The following CMTM8 variants were observed in gnomAD, a reference collection of about 807,000 sequenced individuals.
CMTM8 encodes CKLF-like MARVEL transmembrane domain-containing protein 8.
Under a neutral mutation model 18.6 loss-of-function variants are expected in CMTM8, and 12 were observed. That is an observed-to-expected ratio of 0.65 (90% CI 0.41 to 1.05). The LOEUF (loss-of-function observed/expected upper bound fraction) is 1.05. CMTM8 is among the 50% of genes least tolerant of loss of function. The pLI, the probability that CMTM8 is intolerant of heterozygous loss-of-function variation, is 0.00. For synonymous variants in CMTM8, 87 were observed against 90.6 expected (o/e 0.96, Z 0.23); for missense variants, 217 against 227.2 (o/e 0.95, Z 0.29).
At chr3:32,263,228 C>T (rs1247295282) in intron 1 of CMTM8, among the ~76,000 whole-genome samples, 1 of 152,196 alleles carries the variant, frequency 6.6e-6, no homozygotes, top group Admixed American at 6.5e-5. Flanking sequence ...ACACCTCACA[C>T]AGCTGGGTAC....
At chr3:32,298,729 C>G (rs1695537686) in intron 1 of CMTM8, among the ~76,000 whole-genome samples, 2 of 150,478 alleles carry the variant, frequency 1.3e-5, no homozygotes, top group Non-Finnish European at 3.0e-5. Flanking sequence ...TTCTCCTGAG[C>G]TCCAGCAATC....
At position 32,248,667 on chromosome 3, in the gene CMTM8, G is replaced by GTT. The variant is rs77008510; in HGVS notation, c.147+9560_147+9561dup. ...GCATGAGCCACCACACCTGGCCCAT[G>GTT]TTTTTTTTTTTTTAATTAAAAGTGT... is the stretch of plus-strand genomic sequence containing the variant. On this transcript the variant is annotated intron_variant, in intron 1 of 3. Transcript: ENST00000307526. 2.4e-3 allele frequency among the ~76,000 whole-genome samples: 341 copies of GTT among 143,504 alleles called. 1 individual carries two copies. Among genetic ancestry groups the GTT allele is most frequent in the Non-Finnish European group, 2.4e-3 (157 of 65,098 alleles). 94.1% of individuals were successfully genotyped at this position (143,504 alleles called of 152,430 possible).
intron 1 of CMTM8, among the ~76,000 whole-genome samples, chr3:32,333,946 G>A (rs1407765860): frequency 2.6e-5 from 4 of 151,924 alleles, no homozygotes; most frequent in African/African-American, 9.7e-5. Context: ...GGGGATATGT[G>A]GGAACTCTGC....
At chr3:32,271,356 G>T (rs1702436863) in intron 1 of CMTM8, among the ~76,000 whole-genome samples, 1 of 152,210 alleles carries the variant, frequency 6.6e-6, no homozygotes, top group African/African-American at 2.4e-5. Flanking sequence ...TCGACCTCGG[G>T]TGACCCGCCT....
At chr3:32,247,330 T>C (rs984225715) in intron 1 of CMTM8, among the ~76,000 whole-genome samples, 6 of 152,148 alleles carry the variant, frequency 3.9e-5, no homozygotes, top group Admixed American at 3.9e-4. Flanking sequence ...TTTTTTCCCC[T>C]GAGATGGAGT....
At chr3:32,287,971 TA>T (rs935120389) in intron 1 of CMTM8, among the ~76,000 whole-genome samples, 4 of 151,628 alleles carry the variant, frequency 2.6e-5, no homozygotes, top group East Asian at 1.9e-4. Flanking sequence ...TTTATGGCTT[TA>T]AAAAAAAAGT....
At chr3:32,329,552 C>T (rs1323512509) in intron 1 of CMTM8, among the ~76,000 whole-genome samples, 4 of 152,152 alleles carry the variant, frequency 2.6e-5, no homozygotes, top group Non-Finnish European at 5.9e-5. Context: ...AGAAAAAGTA[C>T]TTGGCAAAAT....
intron 1 of CMTM8, among the ~76,000 whole-genome samples, chr3:32,298,059 C>CT (rs61540438): frequency 0.019 from 2,593 of 138,728 alleles, 77 homozygotes; most frequent in African/African-American, 0.055. Flanking sequence ...TAACTAAAAA[C>CT]TTTTTTTTTT....
At chr3:32,369,507 T>C (rs887643061) in intron 3 of CMTM8, among the ~76,000 whole-genome samples, 2 of 152,110 alleles carry the variant, frequency 1.3e-5, no homozygotes, top group East Asian at 3.9e-4. Flanking sequence ...GCTCATTGCT[T>C]ACTCTGGCCC....
intron 1 of CMTM8, among the ~76,000 whole-genome samples, chr3:32,319,441 C>G (rs1696001529): frequency 6.6e-6 from 1 of 151,996 alleles, no homozygotes; most frequent in Non-Finnish European, 1.5e-5. Flanking sequence ...CTCCCTCTCT[C>G]TCCCTATGCC....
chr3:32,300,385 A>T (rs1695590343), intron 1 of CMTM8, among the ~76,000 whole-genome samples: 1 of 152,172 alleles, frequency 6.6e-6, no homozygotes, highest in Non-Finnish European at 1.5e-5. Flanking sequence ...ACAGAAAAGT[A>T]GGGGAAATTT....
At chr3:32,259,778 G>C in intron 1 of CMTM8, 1 of 862,662 alleles carries the variant, frequency 1.2e-6, no homozygotes, top group Non-Finnish European at 2.0e-6. Flanking sequence ...GAGCACCACA[G>C]TGGTCACCAC....
At chr3:32,317,575 A>C (rs755482026) in intron 1 of CMTM8, among the ~76,000 whole-genome samples, 5 of 152,206 alleles carry the variant, frequency 3.3e-5, no homozygotes, top group African/African-American at 7.2e-5. Context: ...GTACCCTTTG[A>C]CCTAGTACTT....
At chr3:32,352,884 T>G (rs1454444845) in intron 1 of CMTM8, among the ~76,000 whole-genome samples, 1 of 152,180 alleles carries the variant, frequency 6.6e-6, no homozygotes, top group Admixed American at 6.5e-5. Flanking sequence ...TGTTTTTTTT[T>G]TTTTTAATCA....
rs367544409 is a variant in CMTM8, at chr3:32,357,456, T to C, written c.231T>C (p.Ala77=). ...VPAFGWVMFV[A]VFYWVLTVFF... is the part of the protein sequence containing the mutation. ...CATTTGGCTGGGTCATGTTTGTAGCTGTATTTTACTGGGTCCTCACCGTCT... is the reference window on the plus strand; with the variant it reads ...CATTTGGCTGGGTCATGTTTGTAGCCGTATTTTACTGGGTCCTCACCGTCT... Residue 77 remains alanine, a synonymous_variant, in exon 2 of 4, where the codon GCT becomes GCC. Coordinates refer to ENST00000307526, the MANE Select transcript of CMTM8 (RefSeq NM_178868.5). 6.2e-7 allele frequency: 1 copy of C among 1,614,012 alleles called. No homozygotes were observed. The highest frequency in any genetic ancestry group is 1.3e-5 in the African/African-American group (1 of 74,900).
chr3:32,305,045 T>C (rs1695693541), intron 1 of CMTM8, among the ~76,000 whole-genome samples: 1 of 152,146 alleles, frequency 6.6e-6, no homozygotes, highest in Non-Finnish European at 1.5e-5. Flanking sequence ...AATCTAAATC[T>C]CCCTTGGGCG....
At position 32,238,965 on chromosome 3, in the gene CMTM8, G is replaced by T; in HGVS notation, c.-8G>T. 1 of 1,546,194 alleles carries T rather than the reference G, an allele frequency of 6.5e-7. No homozygotes were observed. On this transcript the variant is annotated 5_prime_UTR_variant, in exon 1 of 4. Transcript: ENST00000307526. ...CTGGGGACGCGCCAGCCCGGCAGTG[G>T]CTCGACGATGGAGGAGCCGCAGCGC...
chr3:32,319,695 C>T (rs1696005713), intron 1 of CMTM8, among the ~76,000 whole-genome samples: 1 of 152,174 alleles, frequency 6.6e-6, no homozygotes, highest in African/African-American at 2.4e-5. Context: ...CTGGCATCAG[C>T]AGTTCCGCTT....
chr3:32,269,962 G>A (rs992281782), intron 1 of CMTM8, among the ~76,000 whole-genome samples: 1 of 151,096 alleles, frequency 6.6e-6, no homozygotes, highest in Non-Finnish European at 1.5e-5. Context: ...TTTTTGAGAC[G>A]GGGGTCTCAC....
Sources: allele counts gnomAD v4.1 joint callset (sites outside exome capture counted in the v4.1 genomes callset), GRCh38; gene constraint gnomAD v4.1.1; transcripts MANE v1.5; gene names NCBI Gene and HGNC (gene_info 2026-07-23, HGNC 2026-07-21).